Variants in FAM135B observed in about 807,000 individuals in gnomAD.
The protein encoded by FAM135B is protein FAM135B.
In FAM135B, 43 loss-of-function variants were observed where a neutral mutation model predicts 127.7. That is an observed-to-expected ratio of 0.34 (90% CI 0.26 to 0.43). FAM135B has a LOEUF of 0.43. Ranked by LOEUF, FAM135B falls within the 20% of genes least tolerant of loss-of-function variation. FAM135B has a pLI of 1.00. For missense variants in FAM135B, 1,558 were observed against 1,725.6 expected, an observed-to-expected ratio of 0.90 and a Z score of 1.72; for synonymous variants, 670 against 665.1, an observed-to-expected ratio of 1.01 and a Z score of -0.11.
intron 2 of FAM135B, among the ~76,000 whole-genome samples, chr8:138,347,589 G>C (rs1415442994): frequency 6.6e-6 from 1 of 151,672 alleles, no homozygotes; most frequent in Admixed American, 6.6e-5. Flanking sequence ...ATAATTAACA[G>C]CCCTCTCATA....
intron 14 of FAM135B, among the ~76,000 whole-genome samples, chr8:138,148,229 T>C (rs1221601938): frequency 1.3e-5 from 2 of 152,224 alleles, no homozygotes; most frequent in East Asian, 1.9e-4. Context: ...TGACACTCAT[T>C]GTATTCATCA....
At chr8:138,160,554 C>G (rs11166791) in intron 12 of FAM135B, among the ~76,000 whole-genome samples, 3 of 147,764 alleles carry the variant, frequency 2.0e-5, no homozygotes, top group African/African-American at 7.5e-5. Context: ...ATGCCCAGCT[C>G]ATTTTTTTTT....
At chr8:138,134,236 T>C (rs4404964) in intron 19 of FAM135B, among the ~76,000 whole-genome samples, 15,388 of 152,200 alleles carry the variant, frequency 0.1, 1,046 homozygotes, top group Non-Finnish European at 0.13. Flanking sequence ...CATTACGTAA[T>C]AATATTTTTT....
chr8:138,172,000 T>C (rs534951997), intron 11 of FAM135B, among the ~76,000 whole-genome samples: 1 of 152,170 alleles, frequency 6.6e-6, no homozygotes, highest in Non-Finnish European at 1.5e-5. Context: ...TATATGGGAA[T>C]GTTATTGCTG....
intron 13 of FAM135B, among the ~76,000 whole-genome samples, chr8:138,149,141 AAAT>A (rs1157432773): frequency 0.053 from 873 of 16,564 alleles, 5 homozygotes; most frequent in Non-Finnish European, 0.076. Context: ...ATAAAAAAAT[AAAT>A]AAATAAATAA....
At chr8:138,308,408 A>G (rs1451111504) in intron 3 of FAM135B, among the ~76,000 whole-genome samples, 1 of 152,222 alleles carries the variant, frequency 6.6e-6, no homozygotes, top group Admixed American at 6.5e-5. Flanking sequence ...GGAGTGCTTC[A>G]TAATGCAGCG....
At chr8:138,279,374 G>A (rs1011511428) in intron 3 of FAM135B, among the ~76,000 whole-genome samples, 2 of 152,182 alleles carry the variant, frequency 1.3e-5, no homozygotes, top group African/African-American at 2.4e-5. Context: ...CTTGACATAA[G>A]AGGCACATAA....
At chr8:138,178,124 T>A (rs1224519637) in intron 10 of FAM135B, among the ~76,000 whole-genome samples, 1 of 151,996 alleles carries the variant, frequency 6.6e-6, no homozygotes, top group African/African-American at 2.4e-5. Flanking sequence ...GGTGTGAGCC[T>A]GTAATCCCAG....
chr8:138,329,064 A>T (rs1387286498), intron 2 of FAM135B, among the ~76,000 whole-genome samples: 2 of 152,246 alleles, frequency 1.3e-5, no homozygotes, highest in African/African-American at 4.8e-5. Flanking sequence ...CAGGTAAAGT[A>T]GGCCACCGAA....
In FAM135B at chr8:138,178,700, CA is replaced by C. The variant is rs66488273; in HGVS notation, c.874-11del. On this transcript the variant is annotated splice_polypyrimidine_tract_variant and intron_variant, in intron 9 of 19. Transcript: ENST00000395297. ...CTGGATTGTTCAACATCTGGAGAGG[CA>C]AAAAAGGTGGTATTCAAGGCTCCTG... is the stretch of plus-strand genomic sequence containing the variant. 3 of 1,609,556 alleles carry C rather than the reference CA, an allele frequency of 1.9e-6. No individual in the cohort carries two copies. Among genetic ancestry groups the C allele is most frequent in the African/African-American group, 1.3e-5 (1 of 74,552 alleles).
chr8:138,472,116 G>A (rs1208887036), intron 1 of FAM135B, among the ~76,000 whole-genome samples: 1 of 152,182 alleles, frequency 6.6e-6, no homozygotes, highest in Non-Finnish European at 1.5e-5. Context: ...AAGACTGGGT[G>A]TGCAGGACCG....
intron 1 of FAM135B, among the ~76,000 whole-genome samples, chr8:138,447,098 C>T (rs1836213280): frequency 6.6e-6 from 1 of 151,488 alleles, no homozygotes; most frequent in Admixed American, 6.6e-5. Flanking sequence ...ATCAAAACCA[C>T]AATGAGATAC....
Position 138,383,610 on chromosome 8 carries a change from C to T in FAM135B, c.-19-15608G>A, listed in dbSNP as rs536954238. 8.5e-5 allele frequency among the ~76,000 whole-genome samples: 13 copies of T among 152,286 alleles called. No homozygotes were observed. The South Asian group carries it at 1.0e-3, about 12-fold the overall frequency. On this transcript the variant is annotated intron_variant, in intron 1 of 19. Coordinates refer to ENST00000395297, the MANE Select transcript of FAM135B (RefSeq NM_015912.4). ...ATACTGGATACTTCAATGCTTCTTTCGTTTAATCTTCAAAACTCAACATGA... is the reference window on the plus strand; with the variant it reads ...ATACTGGATACTTCAATGCTTCTTTTGTTTAATCTTCAAAACTCAACATGA...
chr8:138,187,902 A>G (rs796988491), intron 9 of FAM135B, among the ~76,000 whole-genome samples: 4 of 152,328 alleles, frequency 2.6e-5, no homozygotes, highest in African/African-American at 9.6e-5. Context: ...TGAGCTAATC[A>G]ACAATGGCCA....
intron 3 of FAM135B, among the ~76,000 whole-genome samples, chr8:138,269,041 G>A (rs1285107824): frequency 2.6e-5 from 4 of 152,188 alleles, no homozygotes; most frequent in Non-Finnish European, 5.9e-5. Flanking sequence ...GAGGAGGTAA[G>A]AGGAACTCTT....
intron 1 of FAM135B, among the ~76,000 whole-genome samples, chr8:138,475,879 A>T (rs375785893): frequency 1.1e-4 from 17 of 152,316 alleles, no homozygotes; most frequent in Middle Eastern, 3.4e-3. Context: ...CCAATTAGTT[A>T]AGAATTTATG....
At chr8:138,433,725 C>T (rs530327060) in intron 1 of FAM135B, among the ~76,000 whole-genome samples, 78 of 152,158 alleles carry the variant, frequency 5.1e-4, no homozygotes, top group African/African-American at 1.9e-3. Flanking sequence ...GACTTGTTTT[C>T]TTAGCCACAT....
chr8:138,332,246 C>G (rs1305440027), intron 2 of FAM135B, among the ~76,000 whole-genome samples: 3 of 152,150 alleles, frequency 2.0e-5, no homozygotes, highest in Admixed American at 2.0e-4. Flanking sequence ...TGGACACCCG[C>G]TTCTTCATGA....
At chr8:138,233,478 C>A (rs10103824) in intron 7 of FAM135B, among the ~76,000 whole-genome samples, 29,155 of 152,060 alleles carry the variant, frequency 0.19, 3,095 homozygotes, top group Non-Finnish European at 0.24. Flanking sequence ...AAAAGAATGA[C>A]ATTGTACCAA....
Sources: allele counts gnomAD v4.1 joint callset (sites outside exome capture counted in the v4.1 genomes callset), GRCh38; gene constraint gnomAD v4.1.1; transcripts MANE v1.5; gene names NCBI Gene and HGNC (gene_info 2026-07-23, HGNC 2026-07-21).